Variants in AFF3 observed in about 807,000 individuals in gnomAD.
The protein encoded by AFF3 is ALF transcription elongation factor 3.
In AFF3, 32 loss-of-function variants were observed where a neutral mutation model predicts 129.7. The observed-to-expected ratio is 0.25, with a 90% confidence interval of 0.19 to 0.33. The LOEUF (loss-of-function observed/expected upper bound fraction) is 0.33, where lower values mean the gene tolerates loss of function less well. Among genes scored for constraint, AFF3 ranks in the 10% least tolerant of loss-of-function variants. The pLI is 1.00. For synonymous variants in AFF3, 644 were observed against 635.4 expected (o/e 1.01, Z -0.20); for missense variants, 1,373 against 1,592.0 (o/e 0.86, Z 2.34).
In AFF3 at chr2:99,578,461, AAAC is replaced by A. The variant is rs755455751; in HGVS notation, c.2794-13_2794-11del. 1.1e-5 allele frequency: 17 copies of A among 1,609,134 alleles called. No individual in the cohort carries two copies. Among genetic ancestry groups the A allele is most frequent in the Non-Finnish European group, 1.4e-5 (16 of 1,178,088 alleles). On this transcript the variant is annotated splice_polypyrimidine_tract_variant and intron_variant, in intron 17 of 24. Coordinates refer to ENST00000672756, the MANE Select transcript of AFF3 (RefSeq NM_001386135.1). Reference sequence around the variant, plus strand: ...TGTTGTGAGCTGCTTTCTAAACAACAAACAACACACATCTTTGAGAAATTGGCC... The same window carrying A: ...TGTTGTGAGCTGCTTTCTAAACAACAAACACACATCTTTGAGAAATTGGCC...
intron 8 of AFF3, among the ~76,000 whole-genome samples, chr2:99,816,914 G>A (rs977089083): frequency 6.6e-6 from 1 of 152,064 alleles, no homozygotes; most frequent in Non-Finnish European, 1.5e-5. Flanking sequence ...GATACATTTT[G>A]GTTGCCCTTC....
At chr2:100,067,929 G>A (rs980791983) in intron 4 of AFF3, among the ~76,000 whole-genome samples, 6 of 152,114 alleles carry the variant, frequency 3.9e-5, no homozygotes, top group Non-Finnish European at 7.4e-5. Context: ...TACAATAAAT[G>A]TTTGTTCCAG....
At chr2:99,948,312 C>T (rs985199513) in intron 7 of AFF3, among the ~76,000 whole-genome samples, 10 of 152,134 alleles carry the variant, frequency 6.6e-5, no homozygotes, top group African/African-American at 1.9e-4. Context: ...AAAACTCACC[C>T]CTTTATGAAG....
At chr2:99,682,511 G>C (rs1674628536) in intron 11 of AFF3, among the ~76,000 whole-genome samples, 1 of 152,260 alleles carries the variant, frequency 6.6e-6, no homozygotes, top group South Asian at 2.1e-4. Context: ...GCAGCGCTGG[G>C]GAATCTGAGA....
intron 11 of AFF3, chr2:99,707,161 T>C (rs545059964): frequency 1.0e-6 from 1 of 985,456 alleles, no homozygotes; most frequent in Non-Finnish European, 1.2e-6. Context: ...TAAACTTGCC[T>C]GTAACAACAT....
At chr2:99,635,097 A>G (rs889881952) in intron 13 of AFF3, among the ~76,000 whole-genome samples, 2 of 149,114 alleles carry the variant, frequency 1.3e-5, no homozygotes, top group East Asian at 1.9e-4. Context: ...ACATATCTCT[A>G]TGTATATGAT....
At chr2:99,987,354 T>C (rs1004952551) in intron 7 of AFF3, among the ~76,000 whole-genome samples, 1 of 152,188 alleles carries the variant, frequency 6.6e-6, no homozygotes, top group Non-Finnish European at 1.5e-5. Context: ...AGATGAGTGT[T>C]CAGCTCTCAA....
intron 1 of AFF3, among the ~76,000 whole-genome samples, chr2:100,131,956 A>T (rs560593978): frequency 5.3e-5 from 8 of 151,826 alleles, no homozygotes; most frequent in African/African-American, 1.9e-4. Flanking sequence ...TCAGGGTGGG[A>T]TGGAGTGCCT....
At chr2:99,713,380 T>A (rs1046306559) in intron 11 of AFF3, among the ~76,000 whole-genome samples, 2 of 151,292 alleles carry the variant, frequency 1.3e-5, no homozygotes, top group African/African-American at 4.9e-5. Flanking sequence ...GCGATTCTCC[T>A]GCCTCAGCCT....
intron 13 of AFF3, among the ~76,000 whole-genome samples, chr2:99,623,596 G>C (rs1041822398): frequency 3.9e-5 from 6 of 152,224 alleles, no homozygotes; most frequent in Non-Finnish European, 7.3e-5. Context: ...CGGGAGAGAA[G>C]ACAATCCCCA....
chr2:100,003,014 T>C (rs1681572264), intron 7 of AFF3, among the ~76,000 whole-genome samples: 1 of 151,402 alleles, frequency 6.6e-6, no homozygotes, highest in Non-Finnish European at 1.5e-5. Context: ...ATCTTAGTAA[T>C]GATTTTATAT....
chr2:100,088,344 T>C (rs2576677), intron 4 of AFF3, among the ~76,000 whole-genome samples: 11 of 152,118 alleles, frequency 7.2e-5, no homozygotes, highest in Non-Finnish European at 7.4e-5. Context: ...ACAAAATCAA[T>C]ATATAAAAAA....
chr2:99,951,707 G>A (rs749709782), intron 7 of AFF3, among the ~76,000 whole-genome samples: 2 of 152,096 alleles, frequency 1.3e-5, no homozygotes, highest in Admixed American at 6.5e-5. Flanking sequence ...GTGCAATGGC[G>A]CAATCTCGGC....
chr2:99,904,260 C>T (rs185254288), intron 7 of AFF3, among the ~76,000 whole-genome samples: 7 of 152,270 alleles, frequency 4.6e-5, no homozygotes, highest in Admixed American at 2.0e-4. Flanking sequence ...ACAGGGTCCA[C>T]GCCCCTGGAG....
chr2:99,898,596 T>A (rs1694138888), intron 7 of AFF3, among the ~76,000 whole-genome samples: 1 of 152,168 alleles, frequency 6.6e-6, no homozygotes, highest in South Asian at 2.1e-4. Context: ...GGGCATGGCA[T>A]CACAGTCTTG....
chr2:99,672,623 C>T (rs766968627), intron 11 of AFF3, 34 bp from the exon 12 acceptor site: 1 of 1,604,192 alleles, frequency 6.2e-7, no homozygotes, highest in Admixed American at 1.7e-5. Flanking sequence ...CAAAGAGGTA[C>T]AGATAGTTAG....
intron 13 of AFF3, among the ~76,000 whole-genome samples, chr2:99,606,699 C>T (rs547059276): frequency 2.6e-5 from 4 of 151,952 alleles, no homozygotes; most frequent in Admixed American, 1.3e-4. Context: ...GGGAGGATCA[C>T]GAAGTCAGAT....
chr2:99,903,875 T>C (rs1694526057), intron 7 of AFF3, among the ~76,000 whole-genome samples: 1 of 152,164 alleles, frequency 6.6e-6, no homozygotes, highest in South Asian at 2.1e-4. Flanking sequence ...GTCCACTCTA[T>C]TTATCTTCTC....
intron 7 of AFF3, among the ~76,000 whole-genome samples, chr2:99,864,436 G>A (rs1691228010): frequency 6.6e-6 from 1 of 152,164 alleles, no homozygotes; most frequent in Non-Finnish European, 1.5e-5. Flanking sequence ...GCTCTCTTGT[G>A]TTCAATCTAT....
Sources: allele counts gnomAD v4.1 joint callset (sites outside exome capture counted in the v4.1 genomes callset), GRCh38; gene constraint gnomAD v4.1.1; transcripts MANE v1.5; gene names NCBI Gene and HGNC (gene_info 2026-07-23, HGNC 2026-07-21).